The following CEMIP2 variants were observed in gnomAD, a reference collection of about 807,000 sequenced individuals.
CEMIP2 encodes cell migration inducing hyaluronidase 2.
In CEMIP2, 79 loss-of-function variants were observed where a neutral mutation model predicts 146.9. That is an observed-to-expected ratio of 0.54 (90% confidence interval 0.45 to 0.65). CEMIP2 has a LOEUF of 0.65. Ranked by LOEUF, CEMIP2 falls within the 30% of genes least tolerant of loss-of-function variation. The probability of loss-of-function intolerance (pLI) is 0.00; values close to 1 mark genes in which losing one functional copy is unlikely to be tolerated. For synonymous variants in CEMIP2, 601 were observed against 606.3 expected (o/e 0.99, Z 0.13); for missense variants, 1,596 against 1,696.2 (o/e 0.94, Z 1.04).
intron 6 of CEMIP2, among the ~76,000 whole-genome samples, chr9:71,734,208 G>GGTTTTTTTTTT (rs374206725): frequency 2.8e-5 from 4 of 144,136 alleles, no homozygotes; most frequent in African/African-American, 4.9e-5. Flanking sequence ...ATGAGTTTTT[G>GGTTTTTTTTTT]TTTTTGTTTT....
chr9:71,723,668 A>G (rs894443015), intron 11 of CEMIP2, among the ~76,000 whole-genome samples: 6 of 152,212 alleles, frequency 3.9e-5, no homozygotes, highest in South Asian at 2.1e-4. Context: ...ATTTATGTCC[A>G]TAAGACATTC....
chr9:71,741,093 T>A (rs1823900704), intron 4 of CEMIP2, among the ~76,000 whole-genome samples: 1 of 152,050 alleles, frequency 6.6e-6, no homozygotes, highest in Non-Finnish European at 1.5e-5. Context: ...TCTTTTATCC[T>A]TCTTCCTGAC....
intron 8 of CEMIP2, 73 bp from the exon 9 acceptor site, chr9:71,730,326 G>A: frequency 2.8e-6 from 4 of 1,436,704 alleles, no homozygotes; most frequent in Non-Finnish European, 3.9e-6. Context: ...GCGCTATCCA[G>A]TGTAGCATGT....
At position 71,722,510 on chromosome 9, in the gene CEMIP2, G is replaced by A; in HGVS notation, c.2184C>T (p.Gly728=). 1 of 1,611,736 alleles carries A rather than the reference G, an allele frequency of 6.2e-7. No homozygotes were observed. Among genetic ancestry groups the A allele is most frequent in the Admixed American group, 1.7e-5 (1 of 59,684 alleles). ...NNRVHSNFKA[G]LFIDKGVKTT... ...TTTTGACACCTTTGTCAATAAATAA[G>A]CCAGCCTGAAAAATATAAATAATGG... Residue 728 remains glycine, a synonymous_variant, in exon 12 of 24, where the codon GGC becomes GGT. Transcript: ENST00000377044.
At chr9:71,740,017 T>C (rs1161611574) in intron 5 of CEMIP2, 46 bp downstream of exon 5, 13 of 1,556,520 alleles carry the variant, frequency 8.4e-6, no homozygotes, top group Non-Finnish European at 1.1e-5. Flanking sequence ...AAATCTGTCA[T>C]AATACTTATC....
At chr9:71,692,326 C>T (rs1293490999) in intron 21 of CEMIP2, among the ~76,000 whole-genome samples, 4 of 93,714 alleles carry the variant, frequency 4.3e-5, no homozygotes, top group African/African-American at 1.2e-4. Flanking sequence ...TTTGGCAAAA[C>T]GCTCTCCCCA....
At chr9:71,698,892 T>TA (rs1822474608) in intron 19 of CEMIP2, among the ~76,000 whole-genome samples, 1 of 152,054 alleles carries the variant, frequency 6.6e-6, no homozygotes, top group South Asian at 2.1e-4. Context: ...GTCAAGATTC[T>TA]AAAAAAACTT....
intron 21 of CEMIP2, among the ~76,000 whole-genome samples, chr9:71,691,579 GA>G (rs1308512262): frequency 1.3e-5 from 2 of 151,784 alleles, no homozygotes; most frequent in Admixed American, 6.6e-5. Context: ...GTACACTTAA[GA>G]AAAAAAATAC....
intron 21 of CEMIP2, among the ~76,000 whole-genome samples, chr9:71,691,773 T>C (rs1443096165): frequency 6.6e-6 from 1 of 151,490 alleles, no homozygotes; most frequent in East Asian, 1.9e-4. Flanking sequence ...GAGTTCAAGG[T>C]CAACCTGGGC....
At chr9:71,721,629 T>A (rs574727716) in intron 12 of CEMIP2, among the ~76,000 whole-genome samples, 2 of 152,366 alleles carry the variant, frequency 1.3e-5, no homozygotes, top group East Asian at 3.9e-4. Flanking sequence ...TACTTGATTC[T>A]TTGAAGAACA....
At position 71,725,668 on chromosome 9, in the gene CEMIP2, C is replaced by T. The variant is rs1823362168; in HGVS notation, c.2091G>A (p.Gly697=). The T allele has an allele frequency of 6.2e-7, 1 of 1,613,918 alleles. No homozygotes were observed. The highest frequency in any genetic ancestry group is 8.5e-7 in the Non-Finnish European group (1 of 1,179,928). The change falls in exon 11 of 24, where the codon GGG becomes GGA. Residue 697 remains glycine, a synonymous_variant. Transcript: ENST00000377044. ...CCAAGAGCTGCAATCCACTGGATTC[C>T]CCAGTTGGTTCCTTGTGGAATAAAT... is the stretch of plus-strand genomic sequence containing the variant. ...IWYLFHKEPT[G]ESSGLQLLAK...
chr9:71,756,455 C>G (rs1824455376), intron 1 of CEMIP2, among the ~76,000 whole-genome samples: 2 of 150,594 alleles, frequency 1.3e-5, no homozygotes, highest in African/African-American at 4.9e-5. Flanking sequence ...CCCAAAGAAT[C>G]TCTTCAACTA....
intron 1 of CEMIP2, among the ~76,000 whole-genome samples, chr9:71,753,288 G>A (rs902499647): frequency 1.3e-5 from 2 of 152,056 alleles, no homozygotes; most frequent in African/African-American, 4.8e-5. Flanking sequence ...GGGGGCGGGG[G>A]TCTTTGGTGG....
rs1426844803 is a variant in CEMIP2, at chr9:71,734,882, G to C, written c.1317C>G (p.Asp439Glu). 6.2e-7 allele frequency: 1 copy of C among 1,613,990 alleles called. No homozygotes were observed. The highest frequency in any genetic ancestry group is 1.1e-5 in the South Asian group (1 of 91,082). The change falls in exon 6 of 24, where the codon GAC becomes GAG. Residue 439 changes from aspartate (D) to glutamate (E), a missense_variant. Asp to Glu is a conservative substitution (Grantham distance 45). Coordinates refer to ENST00000377044, the MANE Select transcript of CEMIP2 (RefSeq NM_013390.3). ...ACTCCTCTGCTTGGTACATGGAATA[G>C]TCTGTGCTTGCGACCACAATCTGGT... Reference protein sequence around the residue: ...PGDQIVVASTDYSMYQAEEFT... With the variant: ...PGDQIVVASTEYSMYQAEEFT...
intron 17 of CEMIP2, 102 bp from the exon 18 acceptor site, chr9:71,704,905 G>A: frequency 4.5e-6 from 5 of 1,115,512 alleles, no homozygotes; most frequent in Non-Finnish European, 6.5e-6. Context: ...TGAAAAGGGA[G>A]ATTCTGTGAT....
At chr9:71,757,276 T>C (rs1824489539) in intron 1 of CEMIP2, among the ~76,000 whole-genome samples, 1 of 152,216 alleles carries the variant, frequency 6.6e-6, no homozygotes, top group Non-Finnish European at 1.5e-5. Flanking sequence ...CTAGGCTTTT[T>C]AAGAAAACTA....
intron 19 of CEMIP2, among the ~76,000 whole-genome samples, chr9:71,698,892 T>A (rs1340271843): frequency 6.6e-6 from 1 of 152,054 alleles, no homozygotes; most frequent in African/African-American, 2.4e-5. Context: ...GTCAAGATTC[T>A]AAAAAAACTT....
intron 1 of CEMIP2, among the ~76,000 whole-genome samples, chr9:71,756,506 T>A (rs10121968): frequency 0.59 from 66,056 of 111,554 alleles, 17,585 homozygotes; most frequent in East Asian, 0.71. Flanking sequence ...TCTCTCTCTC[T>A]CACACACACA....
At chr9:71,737,335 C>T (rs1823791403) in intron 5 of CEMIP2, among the ~76,000 whole-genome samples, 1 of 151,046 alleles carries the variant, frequency 6.6e-6, no homozygotes, top group Non-Finnish European at 1.5e-5. Flanking sequence ...GCCTGTAGTT[C>T]CAGCTACTCA....
Sources: allele counts gnomAD v4.1 joint callset (sites outside exome capture counted in the v4.1 genomes callset), GRCh38; gene constraint gnomAD v4.1.1; transcripts MANE v1.5; gene names NCBI Gene and HGNC (gene_info 2026-07-23, HGNC 2026-07-21).